The following COL22A1 variants were observed in gnomAD, a reference collection of about 807,000 sequenced individuals.
COL22A1 encodes the protein collagen type XXII alpha 1 chain, also known as collagen alpha-1(XXII) chain.
Under a neutral mutation model 248.9 loss-of-function variants are expected in COL22A1, and 221 were observed. That is an observed-to-expected ratio of 0.89 (90% CI 0.80 to 0.99). The LOEUF (loss-of-function observed/expected upper bound fraction) is 0.99. Ranked by LOEUF, COL22A1 falls within the 50% of genes least tolerant of loss-of-function variation. COL22A1 has a pLI of 0.00. For synonymous variants in COL22A1, 891 were observed against 793.4 expected (o/e 1.12, Z -2.07); for missense variants, 2,240 against 2,179.0 (o/e 1.03, Z -0.56).
intron 4 of COL22A1, among the ~76,000 whole-genome samples, chr8:138,840,431 C>T (rs1586865400): frequency 6.6e-6 from 1 of 152,054 alleles, no homozygotes; most frequent in East Asian, 1.9e-4. Flanking sequence ...CAGGAGGGCC[C>T]ATAATAGAGG....
intron 32 of COL22A1, among the ~76,000 whole-genome samples, chr8:138,697,417 C>A (rs1827594975): frequency 6.6e-6 from 1 of 152,198 alleles, no homozygotes; most frequent in African/African-American, 2.4e-5. Context: ...CCTCCAGTTA[C>A]AAAACCCTGC....
intron 41 of COL22A1, among the ~76,000 whole-genome samples, chr8:138,670,425 G>C (rs1824917048): frequency 6.6e-6 from 1 of 152,294 alleles, no homozygotes; most frequent in South Asian, 2.1e-4. Context: ...AAGGCCGGGA[G>C]CTGGGGCCTG....
At chr8:138,705,024 G>T (rs1016161030) in intron 30 of COL22A1, among the ~76,000 whole-genome samples, 2 of 151,944 alleles carry the variant, frequency 1.3e-5, no homozygotes, top group African/African-American at 4.8e-5. Context: ...TGGAAGAAAG[G>T]GTATCAATGA....
intron 36 of COL22A1, among the ~76,000 whole-genome samples, chr8:138,689,439 G>C (rs970208286): frequency 2.6e-5 from 4 of 152,152 alleles, no homozygotes; most frequent in Admixed American, 2.0e-4. Context: ...GAAGCAAAAA[G>C]GGGAGAACAC....
At chr8:138,913,247 G>C (rs1374846451) in intron 1 of COL22A1, among the ~76,000 whole-genome samples, 4 of 151,044 alleles carry the variant, frequency 2.6e-5, no homozygotes, top group Admixed American at 2.6e-4. Context: ...AGTTTAAAGA[G>C]CTGGTACATC....
Position 138,623,773 on chromosome 8 carries a change from T to C in COL22A1, c.3730A>G (p.Lys1244Glu). ...CCCGGCTTTCCATCTCTGCCCTCTT[T>C]GCCTTCTTCTCCCTGCAAGAGAAAC... is the stretch of plus-strand genomic sequence containing the variant. ...GLPGIPGEEG[K>E]EGRDGKPGPP... The change falls in exon 52 of 65, where the codon AAA becomes GAA. Residue 1244 changes from lysine to glutamate, a missense_variant. Transcript: ENST00000303045. The C allele has an allele frequency of 6.2e-7, 1 of 1,612,870 alleles. No individual in the cohort carries two copies. The highest frequency in any genetic ancestry group is 1.1e-5 in the South Asian group (1 of 90,930).
At chr8:138,840,876 C>G (rs1244164030) in intron 4 of COL22A1, among the ~76,000 whole-genome samples, 1 of 152,122 alleles carries the variant, frequency 6.6e-6, no homozygotes, top group Non-Finnish European at 1.5e-5. Context: ...CTTCCCAAAG[C>G]TCTAGTATCA....
chr8:138,736,603 T>C (rs188128845), intron 23 of COL22A1, among the ~76,000 whole-genome samples: 297 of 151,998 alleles, frequency 2.0e-3, no homozygotes, highest in African/African-American at 6.8e-3. Flanking sequence ...GGTGTCAGGA[T>C]CCACATGGCC....
Position 138,630,653 on chromosome 8 carries a change from A to G in COL22A1, c.3663+42T>C, listed in dbSNP as rs761119478. The G allele has an allele frequency of 3.2e-6, 5 of 1,582,014 alleles. No homozygotes were observed. The African/African-American group carries it at 6.8e-5, about 21-fold the overall frequency. ...AAACACCTGGGGTTCCAGAAAGGCT[A>G]AAGACAGATTAAAAACAGATCCCAT... On this transcript the variant is annotated intron_variant, in intron 50 of 64. Coordinates refer to ENST00000303045, the MANE Select transcript of COL22A1 (RefSeq NM_152888.3).
chr8:138,740,402 G>A (rs1157211111), intron 22 of COL22A1, among the ~76,000 whole-genome samples: 1 of 152,170 alleles, frequency 6.6e-6, no homozygotes, highest in Non-Finnish European at 1.5e-5. Flanking sequence ...GGGGGATGAA[G>A]CATCAGTTCC....
At chr8:138,644,009 TG>T (rs1303298190) in intron 47 of COL22A1, among the ~76,000 whole-genome samples, 1 of 152,242 alleles carries the variant, frequency 6.6e-6, no homozygotes. Flanking sequence ...CTTGAACTCC[TG>T]TCCTCATGTG....
At chr8:138,895,166 T>C (rs1407672027) in intron 1 of COL22A1, among the ~76,000 whole-genome samples, 1 of 152,130 alleles carries the variant, frequency 6.6e-6, no homozygotes, top group Non-Finnish European at 1.5e-5. Context: ...CTAGGCCATC[T>C]TACTATACCA....
intron 23 of COL22A1, among the ~76,000 whole-genome samples, chr8:138,735,157 C>T (rs995378314): frequency 6.6e-6 from 1 of 152,218 alleles, no homozygotes; most frequent in Non-Finnish European, 1.5e-5. Flanking sequence ...ACGTTCTGCA[C>T]ATGCATCCCA....
intron 47 of COL22A1, among the ~76,000 whole-genome samples, chr8:138,646,315 T>C (rs941888775): frequency 6.6e-6 from 1 of 152,252 alleles, no homozygotes; most frequent in Admixed American, 6.5e-5. Flanking sequence ...ATTTTTGTCA[T>C]TACTGGGAGT....
At chr8:138,752,079 G>C (rs1163903053) in intron 21 of COL22A1, among the ~76,000 whole-genome samples, 1 of 152,230 alleles carries the variant, frequency 6.6e-6, no homozygotes. Flanking sequence ...GCTCAGGCAA[G>C]TCACTTGGTG....
chr8:138,780,888 T>G (rs755838371), intron 13 of COL22A1, 39 bp downstream of exon 13: 5 of 1,560,514 alleles, frequency 3.2e-6, no homozygotes, highest in Non-Finnish European at 4.4e-6. Flanking sequence ...ACCAGCCTAG[T>G]ACTGCCTTGT....
At chr8:138,652,990 A>T (rs1180120335) in intron 45 of COL22A1, among the ~76,000 whole-genome samples, 1 of 150,920 alleles carries the variant, frequency 6.6e-6, no homozygotes, top group African/African-American at 2.4e-5. Flanking sequence ...CAAGTGATCC[A>T]CCTGCTTCGG....
At chr8:138,732,787 C>A (rs1830805443) in intron 23 of COL22A1, among the ~76,000 whole-genome samples, 1 of 152,134 alleles carries the variant, frequency 6.6e-6, no homozygotes, top group African/African-American at 2.4e-5. Flanking sequence ...ACTACAGTGA[C>A]TATTTAATAT....
chr8:138,704,814 G>A (rs141361043), intron 30 of COL22A1, among the ~76,000 whole-genome samples: 3,483 of 152,076 alleles, frequency 0.023, 135 homozygotes, highest in African/African-American at 0.078. Context: ...TCAGACGATC[G>A]GTAATAACAA....
Sources: gnomAD v4.1 joint callset for allele counts (sites outside exome capture counted in the v4.1 genomes callset) on GRCh38, gnomAD v4.1.1 for gene constraint, MANE v1.5 for transcripts, NCBI Gene and HGNC (gene_info 2026-07-23, HGNC 2026-07-21) for gene names.